The following ZKSCAN2 variants were observed in gnomAD, a reference collection of about 807,000 sequenced individuals.
The protein encoded by ZKSCAN2 is zinc finger with KRAB and SCAN domains 2, also known as zinc finger protein with KRAB and SCAN domains 2.
In ZKSCAN2, 38 loss-of-function variants were observed where a neutral mutation model predicts 90.5. That is an observed-to-expected ratio of 0.42 (90% confidence interval 0.32 to 0.55). ZKSCAN2 has a LOEUF of 0.55. Among genes scored for constraint, ZKSCAN2 ranks in the 20% least tolerant of loss-of-function variants. The probability of loss-of-function intolerance (pLI) is 0.11; values close to 1 mark genes in which losing one functional copy is unlikely to be tolerated. For missense variants in ZKSCAN2, 1,167 were observed against 1,202.6 expected (o/e 0.97, Z 0.44); for synonymous variants, 429 against 421.6 (o/e 1.02, Z -0.22).
rs1349049647 is a variant in ZKSCAN2, at chr16:25,244,198, G to C, written c.1568C>G (p.Ala523Gly). ...RETRFYEALQ[A>G]CHRKSKLYGA... ...ATACAATTTGCTCTTCCGATGACAG[G>C]CTTGAAGCGCTTCATAAAACCGAGT... The change falls in exon 6 of 7, where the codon GCC (alanine) becomes GGC (glycine). Residue 523 changes from alanine to glycine, a missense_variant. Transcript: ENST00000328086. 1 of 1,614,138 alleles carries C rather than the reference G, an allele frequency of 6.2e-7. No individual in the cohort carries two copies. The highest frequency in any genetic ancestry group is 8.5e-7 in the Non-Finnish European group (1 of 1,180,020).
chr16:25,240,578 C>G lies in ZKSCAN2; in HGVS notation c.2142G>C (p.Trp714Cys), dbSNP rs1478419669. 6.2e-7 allele frequency: 1 copy of G among 1,614,172 alleles called. No individual in the cohort carries two copies. The highest frequency in any genetic ancestry group is 8.5e-7 in the Non-Finnish European group (1 of 1,180,034). The change falls in exon 7 of 7, where the codon TGG becomes TGC. Residue 714 changes from tryptophan to cysteine, a missense_variant. Trp to Cys is a radical substitution (Grantham distance 215). Transcript: ENST00000328086. ...CCTGTCTAATTCCTTGAAGATTTTC[C>G]CATTGTCTTCCTGAGATGCATTCCC... The part of the protein sequence containing the change: ...RKRECISGRQ[W>C]ENLQGIRQGK...
intron 3 of ZKSCAN2, 32 bp downstream of exon 3, chr16:25,252,914 T>A (rs1289765135): frequency 6.4e-7 from 1 of 1,566,834 alleles, no homozygotes; most frequent in African/African-American, 1.4e-5. Context: ...TGAGACTCCA[T>A]CTCAAAGAAA....
Position 25,256,867 on chromosome 16 carries a change from C to T in ZKSCAN2, c.261G>A (p.Leu87=). 3 of 1,614,248 alleles carry T rather than the reference C, an allele frequency of 1.9e-6. No individual in the cohort carries two copies. Among genetic ancestry groups the T allele is most frequent in the South Asian group, 1.1e-5 (1 of 91,088 alleles). The change falls in exon 1 of 7, where the codon CTG becomes CTA. Residue 87 remains leucine (L), a synonymous_variant. Coordinates refer to ENST00000328086, the MANE Select transcript of ZKSCAN2 (RefSeq NM_001012981.5). ...EMRSKEQILE[L]LVIEQFLTIL... ...TGGTGAGAAACTGCTCAATCACCAG[C>T]AGCTCAAGTATTTGCTCCTTGGAAC...
rs912418264 is a variant in ZKSCAN2, at chr16:25,237,863, A to G, written c.*1953T>C. 1.3e-5 allele frequency: 2 copies of G among 152,276 alleles called. No individual in the cohort carries two copies. The highest frequency in any genetic ancestry group is 1.9e-4 in the East Asian group (1 of 5,198). 9.4% of individuals were successfully genotyped at this position (152,276 alleles called of 1,614,324 possible). On this transcript the variant is annotated 3_prime_UTR_variant, in exon 7 of 7. Transcript: ENST00000328086. The stretch of plus-strand genomic sequence containing the variant: ...TTCTCTAGAGCTGGAATTCCAGAAC[A>G]TCTACACAATATAAACACAAGCCCA...
rs1355606627 is a variant in ZKSCAN2, at chr16:25,240,406, C to T, written c.2314G>A (p.Glu772Lys). 2 of 1,614,062 alleles carry T rather than the reference C, an allele frequency of 1.2e-6. No homozygotes were observed. The highest frequency in any genetic ancestry group is 2.2e-5 in the East Asian group (1 of 44,896). Residue 772 changes from glutamate to lysine, a missense_variant, in exon 7 of 7, where the codon GAG becomes AAG. By Grantham distance (56) the Glu-to-Lys change is moderately conservative. Coordinates refer to ENST00000328086, the MANE Select transcript of ZKSCAN2 (RefSeq NM_001012981.5). ...RLMCRMTHHK[E>K]NPYKCGVCGK... ...CAGACACCACACTTGTAAGGATTCT[C>T]CTTGTGGTGGGTCATCCGGCACATC...
Position 25,247,053 on chromosome 16 carries a change from C to G in ZKSCAN2, c.1143G>C (p.Leu381Phe). Reference protein sequence around the residue: ...SQVYGAVAEWLRECGFLRTPE... With the variant: ...SQVYGAVAEWFRECGFLRTPE... ...GGGTTCTAAGGAAGCCACATTCTCG[C>G]AACCATTCAGCCACAGCACCATACA... The change falls in exon 5 of 7, where the codon TTG becomes TTC. Residue 381 changes from leucine to phenylalanine, a missense_variant. Physicochemically the swap from Leu to Phe is conservative, Grantham distance 22 (BLOSUM62 0). Transcript: ENST00000328086. 6.2e-7 allele frequency: 1 copy of G among 1,614,202 alleles called. No individual in the cohort carries two copies. The highest frequency in any genetic ancestry group is 8.5e-7 in the Non-Finnish European group (1 of 1,180,046).
chr16:25,257,053 C>T lies in ZKSCAN2; in HGVS notation c.75G>A (p.Lys25=). The stretch of plus-strand genomic sequence containing the variant: ...TGGGCTCTGATGCCCACTCAGGGTC[C>T]TTTTCCACCTTCATTATTAGGCATC... The part of the protein sequence containing the change: ...VEGCLIMKVE[K]DPEWASEPIL... Residue 25 remains lysine (K), a synonymous_variant, in exon 1 of 7, where the codon AAG becomes AAA. Transcript: ENST00000328086. 1 of 1,614,022 alleles carries T rather than the reference C, an allele frequency of 6.2e-7. No individual in the cohort carries two copies. Among genetic ancestry groups the T allele is most frequent in the Non-Finnish European group, 8.5e-7 (1 of 1,179,964 alleles).
At position 25,257,288 on chromosome 16, in the gene ZKSCAN2, A is replaced by G. The variant is rs1223022338; in HGVS notation, c.-161T>C. 1.4e-6 allele frequency: 2 copies of G among 1,443,932 alleles called. No individual in the cohort carries two copies. The highest frequency in any genetic ancestry group is 9.0e-7 in the Non-Finnish European group (1 of 1,105,402). The allele number at this position is 1,443,932 out of a possible 1,614,324, so 89.4% of individuals were successfully genotyped here. A position where few individuals can be genotyped will look rare whatever the true frequency, so the allele number is the denominator to read the frequency against. ...TATTCCAGGCTGATTAATCAAATCT[A>G]TGCCAGGCCCTTGAAAAGGTGAACG... On this transcript the variant is annotated 5_prime_UTR_variant, in exon 1 of 7. Transcript: ENST00000328086.
Position 25,257,420 on chromosome 16 carries a change from G to C in ZKSCAN2, c.-293C>G. Reference sequence around the variant, plus strand: ...TTAGTGCAAAGTCGGAAACCGGGAGGCTGGACGACTGGGAGAAAAATGAAG... The same window carrying C: ...TTAGTGCAAAGTCGGAAACCGGGAGCCTGGACGACTGGGAGAAAAATGAAG... On this transcript the variant is annotated 5_prime_UTR_variant, in exon 1 of 7. Transcript: ENST00000328086. 8.9e-7 allele frequency: 1 copy of C among 1,118,498 alleles called. No individual in the cohort carries two copies. The allele number at this position is 1,118,498 out of a possible 1,614,324, so 69.3% of individuals were successfully genotyped here.
Position 25,239,880 on chromosome 16 carries a change from G to A in ZKSCAN2, c.2840C>T (p.Pro947Leu). 6.2e-7 allele frequency: 1 copy of A among 1,613,954 alleles called. No individual in the cohort carries two copies. The highest frequency in any genetic ancestry group is 8.5e-7 in the Non-Finnish European group (1 of 1,179,958). Residue 947 changes from proline (P) to leucine (L), a missense_variant, in exon 7 of 7, where the codon CCA (proline) becomes CTA (leucine). Coordinates refer to ENST00000328086, the MANE Select transcript of ZKSCAN2 (RefSeq NM_001012981.5). ...HVREKPLPHP[P>L]SLYCPENPHK... ...TGGGTTCTCAGGGCAATACAGAGAT[G>A]GAGGGTGTGGCAGAGGCTTTTCTCT...
At chr16:25,241,070 G>A (rs545633818) in intron 6 of ZKSCAN2, among the ~76,000 whole-genome samples, 2 of 152,106 alleles carry the variant, frequency 1.3e-5, no homozygotes, top group Non-Finnish European at 2.9e-5. Context: ...CTATACTAAA[G>A]CACACTACAC....
Position 25,255,221 on chromosome 16 carries a change from G to A in ZKSCAN2, c.571C>T (p.Pro191Ser). The A allele has an allele frequency of 6.2e-7, 1 of 1,607,232 alleles. No homozygotes were observed. Among genetic ancestry groups the A allele is most frequent in the Non-Finnish European group, 8.5e-7 (1 of 1,178,024 alleles). The change falls in exon 2 of 7, where the codon CCC becomes TCC. Residue 191 changes from proline (P) to serine (S), a missense_variant. Coordinates refer to ENST00000328086, the MANE Select transcript of ZKSCAN2 (RefSeq NM_001012981.5). ...TCCCTCTTACCATTCTTGGGTAAGG[G>A]CCGACGTTCTCGCTTTCGGTTCAGC... Reference protein sequence around the residue: ...EQLNRKRERRPLPKNARPSPW... With the variant: ...EQLNRKRERRSLPKNARPSPW...
At position 25,240,447 on chromosome 16, in the gene ZKSCAN2, C is replaced by G. The variant is rs1338172381; in HGVS notation, c.2273G>C (p.Gly758Ala). 6.2e-7 allele frequency: 1 copy of G among 1,614,198 alleles called. No homozygotes were observed. The highest frequency in any genetic ancestry group is 1.3e-5 in the African/African-American group (1 of 75,044). The change falls in exon 7 of 7, where the codon GGA (glycine) becomes GCA (alanine). Residue 758 changes from glycine to alanine, a missense_variant. By Grantham distance (60) the Gly-to-Ala change is moderately conservative. Coordinates refer to ENST00000328086, the MANE Select transcript of ZKSCAN2 (RefSeq NM_001012981.5). ...CCGGCACATCAGACGAGTGCTCCTT[C>G]CAAAGCTTTCTCCATATTTGAGAAG... is the stretch of plus-strand genomic sequence containing the variant. ...YRLLKYGESF[G>A]RSTRLMCRMT...
chr16:25,244,320 G>A (rs773081609), intron 5 of ZKSCAN2, 44 bp from the exon 6 acceptor site: 14 of 1,578,164 alleles, frequency 8.9e-6, no homozygotes, highest in Non-Finnish European at 1.2e-5. Flanking sequence ...AAGAAAAGGA[G>A]TCTCTAGCCT....
Position 25,255,366 on chromosome 16 carries a change from C to T in ZKSCAN2, c.426G>A (p.Lys142=), listed in dbSNP as rs774623935. The T allele has an allele frequency of 6.2e-7, 1 of 1,612,586 alleles. No individual in the cohort carries two copies. The highest frequency in any genetic ancestry group is 2.2e-5 in the East Asian group (1 of 44,836). Residue 142 remains lysine, a synonymous_variant, in exon 2 of 7, where the codon AAG becomes AAA. Transcript: ENST00000328086. ...CCCACGCTGCTCCAAGTGGGGAGTG[C>T]TTCTCCCGGTGCACGGGACTGCTGA... ...QQVSSPVHRE[K]HSPLGAAWEV...
At chr16:25,242,194 T>C (rs1006281209) in intron 6 of ZKSCAN2, among the ~76,000 whole-genome samples, 4 of 152,204 alleles carry the variant, frequency 2.6e-5, no homozygotes, top group Non-Finnish European at 5.9e-5. Flanking sequence ...GTTTTCTGAT[T>C]GAGTTCAACA....
chr16:25,251,946 A>T lies in ZKSCAN2; in HGVS notation c.768T>A (p.Asp256Glu). 6.2e-7 allele frequency: 1 copy of T among 1,614,132 alleles called. No homozygotes were observed. Among genetic ancestry groups the T allele is most frequent in the Non-Finnish European group, 8.5e-7 (1 of 1,180,002 alleles). Residue 256 changes from aspartate (D) to glutamate (E), a missense_variant, in exon 4 of 7, where the codon GAT (aspartate) becomes GAA (glutamate). By Grantham distance (45) the Asp-to-Glu change is conservative (BLOSUM62 2). Coordinates refer to ENST00000328086, the MANE Select transcript of ZKSCAN2 (RefSeq NM_001012981.5). ...QIPAQRDLYR[D>E]FRKENVGNVV... Reference sequence around the variant, plus strand: ...CGTTCCCAACATTCTCCTTCCTGAAATCCCGGTAGAGGTCCCTTTGGGCAG... The same window carrying T: ...CGTTCCCAACATTCTCCTTCCTGAATTCCCGGTAGAGGTCCCTTTGGGCAG...
At chr16:25,247,560 C>T (rs530367117) in intron 4 of ZKSCAN2, among the ~76,000 whole-genome samples, 170 bp from the exon 5 acceptor site, 1 of 152,326 alleles carries the variant, frequency 6.6e-6, no homozygotes, top group South Asian at 2.1e-4. Flanking sequence ...CATCTACTAA[C>T]TTACACGATC....
rs1962803083 is a variant in ZKSCAN2, at chr16:25,238,660, G to C, written c.*1156C>G. Reference sequence around the variant, plus strand: ...TTAGGTTTCTGATGCGGTGAACAGGGACTAGAAGCCTCAGGAAAAGAGACT... The same window carrying C: ...TTAGGTTTCTGATGCGGTGAACAGGCACTAGAAGCCTCAGGAAAAGAGACT... On this transcript the variant is annotated 3_prime_UTR_variant, in exon 7 of 7. Coordinates refer to ENST00000328086, the MANE Select transcript of ZKSCAN2 (RefSeq NM_001012981.5). 6.6e-6 allele frequency: 1 copy of C among 152,200 alleles called. No individual in the cohort carries two copies. The highest frequency in any genetic ancestry group is 1.5e-5 in the Non-Finnish European group (1 of 68,056). The allele number at this position is 152,200 out of a possible 1,614,324, so 9.4% of individuals were successfully genotyped here. A position where few individuals can be genotyped will look rare whatever the true frequency, so the allele number is the denominator to read the frequency against.
Sources: allele counts gnomAD v4.1 joint callset (sites outside exome capture counted in the v4.1 genomes callset), GRCh38; gene constraint gnomAD v4.1.1; transcripts MANE v1.5; gene names NCBI Gene and HGNC (gene_info 2026-07-23, HGNC 2026-07-21).